Variants in ATP2C1 observed in about 807,000 individuals in gnomAD.
ATP2C1 encodes the protein ATPase secretory pathway Ca2+ transporting 1.
In ATP2C1, 31 loss-of-function variants were observed where a neutral mutation model predicts 120.5. That is an observed-to-expected ratio of 0.26 (90% CI 0.19 to 0.35). The LOEUF is 0.35. Among genes scored for constraint, ATP2C1 ranks in the 10% least tolerant of loss-of-function variants. ATP2C1 has a pLI of 1.00. For missense variants in ATP2C1, 731 were observed against 1,107.5 expected, an observed-to-expected ratio of 0.66 and a Z score of 4.83; for synonymous variants, 351 against 358.7, an observed-to-expected ratio of 0.98 and a Z score of 0.24.
intron 5 of ATP2C1, 77 bp downstream of exon 5, chr3:130,934,788 A>G: frequency 1.0e-6 from 1 of 969,752 alleles, no homozygotes; most frequent in Non-Finnish European, 1.6e-6. Flanking sequence ...TGGAAAATAA[A>G]TTGAGAAGTG....
At chr3:130,993,074 A>T (rs1386669183) in intron 21 of ATP2C1, 73 bp downstream of exon 21, 2 of 1,330,466 alleles carry the variant, frequency 1.5e-6, no homozygotes, top group Non-Finnish European at 2.2e-6. Context: ...TTATGTTTGC[A>T]TTACAGGGAG....
chr3:130,867,729 G>A (rs906688168), intron 1 of ATP2C1, among the ~76,000 whole-genome samples: 3 of 127,304 alleles, frequency 2.4e-5, no homozygotes, highest in African/African-American at 8.9e-5. Flanking sequence ...GGGAAGTGAG[G>A]AGCGTCTCTG....
intron 20 of ATP2C1, among the ~76,000 whole-genome samples, chr3:130,981,151 G>A (rs2108784944): frequency 6.6e-6 from 1 of 152,170 alleles, no homozygotes; most frequent in South Asian, 2.1e-4. Flanking sequence ...TCAAGATATA[G>A]AACAGTTCCA....
chr3:130,966,424 T>G (rs1307776741), intron 14 of ATP2C1, among the ~76,000 whole-genome samples: 1 of 152,106 alleles, frequency 6.6e-6, no homozygotes, highest in African/African-American at 2.4e-5. Flanking sequence ...TAAACATTTT[T>G]TATTTATTTT....
At chr3:131,016,140 T>C (rs1035263847) in intron 26 of ATP2C1, 1 of 1,613,902 alleles carries the variant, frequency 6.2e-7, no homozygotes, top group African/African-American at 1.3e-5. Flanking sequence ...CCCATGGTGC[T>C]TACCGAGTTA....
At chr3:130,906,863 A>G (rs1383707149) in intron 2 of ATP2C1, among the ~76,000 whole-genome samples, 1 of 151,960 alleles carries the variant, frequency 6.6e-6, no homozygotes, top group East Asian at 1.9e-4. Context: ...TCTGACTTCT[A>G]ATCTGTTGGT....
At chr3:130,951,710 T>G (rs2060376023) in intron 8 of ATP2C1, among the ~76,000 whole-genome samples, 1 of 152,198 alleles carries the variant, frequency 6.6e-6, no homozygotes, top group Non-Finnish European at 1.5e-5. Context: ...GAACTCAGAT[T>G]TATTAACTGG....
chr3:130,930,562 G>C, intron 3 of ATP2C1, 36 bp downstream of exon 3: 1 of 1,284,062 alleles, frequency 7.8e-7, no homozygotes, highest in Non-Finnish European at 1.1e-6. Flanking sequence ...ACTAGATGGT[G>C]TAAAGTCAGT....
intron 2 of ATP2C1, among the ~76,000 whole-genome samples, chr3:130,904,142 TA>T (rs2058014796): frequency 6.6e-6 from 1 of 152,040 alleles, no homozygotes; most frequent in Non-Finnish European, 1.5e-5. Context: ...ATAAAAGGTA[TA>T]AAAATAGTAC....
intron 2 of ATP2C1, among the ~76,000 whole-genome samples, chr3:130,921,946 T>G (rs1212007369): frequency 1.3e-5 from 2 of 152,172 alleles, no homozygotes; most frequent in Non-Finnish European, 2.9e-5. Flanking sequence ...TATTCTTCCC[T>G]TGTTTTGGTG....
chr3:130,992,514 T>C lies in ATP2C1; in HGVS notation c.1840-437T>C, dbSNP rs78396110. Among the ~76,000 whole-genome samples, 950 of 152,320 alleles carry C rather than the reference T, an allele frequency of 6.2e-3. 8 individuals carry two copies. Among genetic ancestry groups the C allele is most frequent in the Non-Finnish European group, 0.01 (696 of 68,012 alleles). ...TGAGTAAAAGGGAATGAGCAGACAC[T>C]TGACACTGTAAAAAATGGCTCTACA... On this transcript the variant is annotated intron_variant, in intron 20 of 27. Transcript: ENST00000510168.
chr3:130,936,372 C>G (rs1245633302), intron 5 of ATP2C1, among the ~76,000 whole-genome samples: 1 of 152,090 alleles, frequency 6.6e-6, no homozygotes, highest in Non-Finnish European at 1.5e-5. Context: ...CAAGATAGGT[C>G]AATGGATTTC....
intron 1 of ATP2C1, among the ~76,000 whole-genome samples, chr3:130,874,351 A>G (rs1450698916): frequency 6.6e-6 from 1 of 152,230 alleles, no homozygotes; most frequent in Non-Finnish European, 1.5e-5. Flanking sequence ...CTTAAAAAAC[A>G]GACACACTTC....
At chr3:130,949,976 G>T (rs568238946) in intron 8 of ATP2C1, among the ~76,000 whole-genome samples, 1 of 152,204 alleles carries the variant, frequency 6.6e-6, no homozygotes, top group Non-Finnish European at 1.5e-5. Context: ...AGAGGTGATT[G>T]CCTTATCAGT....
chr3:130,945,809 G>T (rs1196885697), intron 8 of ATP2C1, among the ~76,000 whole-genome samples: 1 of 151,704 alleles, frequency 6.6e-6, no homozygotes, highest in East Asian at 1.9e-4. Context: ...CATATTTTTG[G>T]TGTTGTTCCA....
Position 130,894,169 on chromosome 3 carries a change from TCTCCCTCCCTTC to T in ATP2C1, c.-339_-328del, listed in dbSNP as rs1197369738. 37 of 270,434 alleles carry T rather than the reference TCTCCCTCCCTTC, an allele frequency of 1.4e-4. No individual in the cohort carries two copies. Among genetic ancestry groups the T allele is most frequent in the Non-Finnish European group, 1.9e-4 (37 of 191,110 alleles). The allele number at this position is 270,434 out of a possible 1,614,324, so 16.8% of individuals were successfully genotyped here. On this transcript the variant is annotated 5_prime_UTR_variant, in exon 1 of 28. Transcript: ENST00000510168. This position sits in a 1 kb window ranked among gnomAD's most constrained non-coding sequence, Gnocchi z 4.5. Reference sequence around the variant, plus strand: ...TTCTCTCCCCTCCCCGCCCGCCCTCTCTCCCTCCCTTCCTCCCTCCCGCTCGCTTCTTCTCAC... The same window carrying T: ...TTCTCTCCCCTCCCCGCCCGCCCTCTCTCCCTCCCGCTCGCTTCTTCTCAC...
At chr3:130,939,590 C>T (rs775346787) in intron 6 of ATP2C1, among the ~76,000 whole-genome samples, 11 of 152,152 alleles carry the variant, frequency 7.2e-5, no homozygotes, top group Non-Finnish European at 1.6e-4. Context: ...TCATTTATTA[C>T]TGGGATCTAG....
intron 1 of ATP2C1, among the ~76,000 whole-genome samples, chr3:130,862,471 G>A (rs939138143): frequency 5.9e-5 from 9 of 151,930 alleles, no homozygotes; most frequent in African/African-American, 1.7e-4. Flanking sequence ...GTGAGCCACC[G>A]CACTTGGCTG....
At chr3:130,900,832 G>T (rs1472941232) in intron 2 of ATP2C1, among the ~76,000 whole-genome samples, 1 of 152,076 alleles carries the variant, frequency 6.6e-6, no homozygotes, top group Non-Finnish European at 1.5e-5. Flanking sequence ...AAATAAATTA[G>T]CCTTTTGATG....
Sources: gnomAD v4.1 joint callset for allele counts (sites outside exome capture counted in the v4.1 genomes callset) on GRCh38, gnomAD v4.1.1 for gene constraint, Gnocchi (gnomAD v3.1) non-coding constraint, MANE v1.5 for transcripts, NCBI Gene and HGNC (gene_info 2026-07-23, HGNC 2026-07-21) for gene names.